Variants in NOTCH2NLC observed in about 807,000 individuals in gnomAD.
NOTCH2NLC encodes the protein notch homolog 2 N-terminal-like protein C.
Under a neutral mutation model 17.7 loss-of-function variants are expected in NOTCH2NLC, and 4 were observed. That is an observed-to-expected ratio of 0.23 (90% CI 0.11 to 0.52). NOTCH2NLC has a LOEUF of 0.52. Ranked by LOEUF, NOTCH2NLC falls within the 20% of genes least tolerant of loss-of-function variation. NOTCH2NLC has a pLI of 0.96. For missense variants in NOTCH2NLC, 57 were observed against 207.2 expected, an observed-to-expected ratio of 0.28 and a Z score of 4.45; for synonymous variants, 18 against 86.0, an observed-to-expected ratio of 0.21 and a Z score of 4.38.
intron 2 of NOTCH2NLC, among the ~76,000 whole-genome samples, chr1:149,445,185 G>A (rs1393103994): frequency 1.4e-5 from 2 of 145,998 alleles, no homozygotes; most frequent in Non-Finnish European, 3.0e-5. Flanking sequence ...ACTGAAAGGA[G>A]GGAGACCAGT....
At chr1:149,419,621 A>G (rs1424303391) in intron 1 of NOTCH2NLC, among the ~76,000 whole-genome samples, 5 of 148,932 alleles carry the variant, frequency 3.4e-5, no homozygotes, top group South Asian at 2.1e-4. Flanking sequence ...AAGAAAGAAT[A>G]TGAGTAATCA....
At chr1:149,415,994 A>G (rs1380639743) in intron 1 of NOTCH2NLC, among the ~76,000 whole-genome samples, 1 of 150,754 alleles carries the variant, frequency 6.6e-6, no homozygotes, top group Non-Finnish European at 1.5e-5. Flanking sequence ...TATGTGTCAG[A>G]TGATAAAAAT....
chr1:149,393,650 A>G (rs2084188262), intron 1 of NOTCH2NLC, among the ~76,000 whole-genome samples: 1 of 146,082 alleles, frequency 6.8e-6, no homozygotes, highest in Admixed American at 6.9e-5. Flanking sequence ...ATAATTTCTC[A>G]GCTGAATTCT....
At chr1:149,429,974 AGTT>A (rs1328944433) in intron 1 of NOTCH2NLC, among the ~76,000 whole-genome samples, 2 of 151,104 alleles carry the variant, frequency 1.3e-5, no homozygotes, top group Non-Finnish European at 3.0e-5. Context: ...TTACCTTTCC[AGTT>A]GTTAGGATTC....
Position 149,391,145 on chromosome 1 carries a change from C to T in NOTCH2NLC, c.135+223C>T, listed in dbSNP as rs1299573690. 1.0e-4 allele frequency among the ~76,000 whole-genome samples: 6 copies of T among 57,510 alleles called. No homozygotes were observed. In the East Asian group the frequency reaches 2.5e-3, roughly 24 times the overall value. 37.7% of individuals were successfully genotyped at this position (57,510 alleles called of 152,430 possible). A position where few individuals can be genotyped will look rare whatever the true frequency, so the allele number is the denominator to read the frequency against. On this transcript the variant is annotated intron_variant, in intron 1 of 4. Transcript: ENST00000650865. ...CCCGCCAACCGCCGGGGTTCCCCGCCGCCTCTGCTCCCCGCGGCCCGGGAC... is the reference window on the plus strand; with the variant it reads ...CCCGCCAACCGCCGGGGTTCCCCGCTGCCTCTGCTCCCCGCGGCCCGGGAC...
At chr1:149,423,425 T>G (rs2084390291) in intron 1 of NOTCH2NLC, among the ~76,000 whole-genome samples, 1 of 151,250 alleles carries the variant, frequency 6.6e-6, no homozygotes, top group Non-Finnish European at 1.5e-5. Flanking sequence ...TAGAGAAAGT[T>G]TTGTTTGAAA....
chr1:149,420,160 G>A (rs1390505285), intron 1 of NOTCH2NLC, among the ~76,000 whole-genome samples: 8 of 150,318 alleles, frequency 5.3e-5, no homozygotes, highest in Non-Finnish European at 7.4e-5. Context: ...ATGAGCCACC[G>A]TGCCTGGCCG....
chr1:149,390,654 A>G lies in NOTCH2NLC; in HGVS notation c.-134A>G, dbSNP rs1400568523. On this transcript the variant is annotated 5_prime_UTR_variant, in exon 1 of 5. Transcript: ENST00000650865. ...CGGGCGGCGGCTGAGGCGGCGGCCG[A>G]GGAGCGGCGGACTCGGGGCGCGGGG... The G allele has an allele frequency of 2.5e-6, 3 of 1,202,282 alleles. No individual in the cohort carries two copies. Among genetic ancestry groups the G allele is most frequent in the African/African-American group, 1.6e-5 (1 of 60,640 alleles). The allele number at this position is 1,202,282 out of a possible 1,614,324, so 74.5% of individuals were successfully genotyped here.
chr1:149,394,808 C>T (rs1318458251), intron 1 of NOTCH2NLC, among the ~76,000 whole-genome samples: 1 of 150,928 alleles, frequency 6.6e-6, no homozygotes, highest in African/African-American at 2.4e-5. Flanking sequence ...TTTTTGTTTC[C>T]CACCCTTTCT....
intron 1 of NOTCH2NLC, among the ~76,000 whole-genome samples, chr1:149,429,994 T>A (rs2084436995): frequency 6.6e-6 from 1 of 151,152 alleles, no homozygotes; most frequent in Admixed American, 6.6e-5. Flanking sequence ...ATTCTTGATA[T>A]GTATTTTGGT....
Position 149,395,815 on chromosome 1 carries a change from C to CT in NOTCH2NLC, c.135+4905dup, listed in dbSNP as rs1356621940. 3.9e-3 allele frequency among the ~76,000 whole-genome samples: 537 copies of CT among 136,246 alleles called. 16 individuals are homozygous for CT. In the East Asian group the frequency reaches 0.081, roughly 21 times the overall value. The allele number at this position is 136,246 out of a possible 152,430, so 89.4% of individuals were successfully genotyped here. On this transcript the variant is annotated intron_variant, in intron 1 of 4. Transcript: ENST00000650865. ...ATGTACATTTAGTAAAGTATATTTGCTTTTTTTTTTTTGAACCAAGAGAGT... is the reference window on the plus strand; with the variant it reads ...ATGTACATTTAGTAAAGTATATTTGCTTTTTTTTTTTTTGAACCAAGAGAGT...
In NOTCH2NLC at chr1:149,470,219, A is replaced by C. The variant is rs2084708577; in HGVS notation, c.*6066A>C. ...TCCTCATCTGTAACATAAAAGGATT[A>C]GAGCAGACAATCTCTAACAAATGCT... On this transcript the variant is annotated 3_prime_UTR_variant, in exon 5 of 5. Transcript: ENST00000650865. Among the ~76,000 whole-genome samples the C allele has an allele frequency of 6.6e-6, 1 of 151,406 alleles. No individual in the cohort carries two copies. The highest frequency in any genetic ancestry group is 1.5e-5 in the Non-Finnish European group (1 of 67,690).
intron 1 of NOTCH2NLC, among the ~76,000 whole-genome samples, chr1:149,399,855 G>T (rs2084232938): frequency 1.4e-5 from 2 of 148,010 alleles, no homozygotes; most frequent in South Asian, 4.2e-4. Flanking sequence ...TTTAAGGTAG[G>T]TTTACGTAGC....
rs1404761280 is a variant in NOTCH2NLC, at chr1:149,461,258, TG to T, written c.470-2230del. ...CCCAGGGATCTTTCCGTTTCAGTTG[TG>T]GGCATCACTCTGAAAATCACACTTG... On this transcript the variant is annotated intron_variant, in intron 3 of 4. Transcript: ENST00000650865. Among the ~76,000 whole-genome samples, 5 of 148,780 alleles carry T rather than the reference TG, an allele frequency of 3.4e-5. No homozygotes were observed. The East Asian group carries it at 9.9e-4, about 29-fold the overall frequency.
At chr1:149,460,897 TTCTTTCTTTCTTTCTTTC>T (rs2084644398) in intron 3 of NOTCH2NLC, among the ~76,000 whole-genome samples, 3 of 83,966 alleles carry the variant, frequency 3.6e-5, no homozygotes, top group South Asian at 3.7e-4. Flanking sequence ...CTTTCTTTCT[TTCTTTCTTTCTTTCTTTC>T]TCTCTCTTTC....
intron 1 of NOTCH2NLC, among the ~76,000 whole-genome samples, chr1:149,400,949 C>T (rs1211391851): frequency 1.3e-5 from 2 of 150,386 alleles, no homozygotes; most frequent in South Asian, 4.2e-4. Context: ...AAGATTCTCT[C>T]CCCCTTTCCT....
intron 1 of NOTCH2NLC, among the ~76,000 whole-genome samples, chr1:149,424,314 A>C (rs1215833740): frequency 1.3e-5 from 2 of 150,720 alleles, no homozygotes; most frequent in Non-Finnish European, 3.0e-5. Flanking sequence ...AGTGATTCCA[A>C]GATTGGTATT....
At chr1:149,421,455 C>CAT (rs2084378819) in intron 1 of NOTCH2NLC, among the ~76,000 whole-genome samples, 1 of 142,154 alleles carries the variant, frequency 7.0e-6, no homozygotes. Flanking sequence ...GCTGAGATTG[C>CAT]GCCACTGCAC....
chr1:149,423,613 C>T (rs1387711541), intron 1 of NOTCH2NLC, among the ~76,000 whole-genome samples: 1 of 147,496 alleles, frequency 6.8e-6, no homozygotes, highest in African/African-American at 2.5e-5. Context: ...CAGCCAAGAT[C>T]CTAGGACGTA....
Sources: gnomAD v4.1 joint callset for allele counts (sites outside exome capture counted in the v4.1 genomes callset) on GRCh38, gnomAD v4.1.1 for gene constraint, MANE v1.5 for transcripts, NCBI Gene and HGNC (gene_info 2026-07-23, HGNC 2026-07-21) for gene names.